Variants in PLEKHM3 observed in about 807,000 individuals in gnomAD.
PLEKHM3 encodes the protein pleckstrin homology domain containing M3.
Under a neutral mutation model 81.8 loss-of-function variants are expected in PLEKHM3, and 45 were observed. The ratio of observed to expected loss-of-function variants is 0.55; its 90% confidence interval spans 0.43 to 0.71. PLEKHM3 has a LOEUF of 0.71. Among genes scored for constraint, PLEKHM3 ranks in the 30% least tolerant of loss-of-function variants. The pLI, the probability that PLEKHM3 is intolerant of heterozygous loss-of-function variation, is 0.00. For missense variants in PLEKHM3, 788 were observed against 924.3 expected, an observed-to-expected ratio of 0.85 and a Z score of 1.91; for synonymous variants, 352 against 356.4, an observed-to-expected ratio of 0.99 and a Z score of 0.14.
intron 3 of PLEKHM3, among the ~76,000 whole-genome samples, chr2:207,968,392 G>C (rs1013435091): frequency 7.9e-5 from 12 of 152,084 alleles, no homozygotes; most frequent in Non-Finnish European, 1.6e-4. Flanking sequence ...GGTTGGGGGT[G>C]GGGGGCCACT....
chr2:208,024,101 C>CCACT (rs1380976947), intron 1 of PLEKHM3, among the ~76,000 whole-genome samples: 1 of 149,728 alleles, frequency 6.7e-6, no homozygotes, highest in African/African-American at 2.5e-5. Flanking sequence ...CATGATCACG[C>CCACT]CACTGTACTC....
chr2:207,824,007 A>G lies in PLEKHM3; in HGVS notation c.*4312T>C. ...CAGAAATCAACACTTGTCTGTTTACATTAACCGAGCAGAGCTTAGTCACCC... is the reference window on the plus strand; with the variant it reads ...CAGAAATCAACACTTGTCTGTTTACGTTAACCGAGCAGAGCTTAGTCACCC... On this transcript the variant is annotated 3_prime_UTR_variant, in exon 8 of 8. Coordinates refer to ENST00000427836, the MANE Select transcript of PLEKHM3 (RefSeq NM_001080475.3). The G allele has an allele frequency of 1.3e-5, 2 of 152,260 alleles. No homozygotes were observed. The highest frequency in any genetic ancestry group is 1.9e-4 in the East Asian group (1 of 5,196). The allele number at this position is 152,260 out of a possible 1,614,324, so 9.4% of individuals were successfully genotyped here.
chr2:207,990,822 C>T (rs1691876696), intron 2 of PLEKHM3, among the ~76,000 whole-genome samples: 1 of 152,160 alleles, frequency 6.6e-6, no homozygotes, highest in Non-Finnish European at 1.5e-5. Context: ...ACTTTGGAGA[C>T]TTTCTTTTTG....
At chr2:207,849,929 T>A (rs1197780537) in intron 7 of PLEKHM3, among the ~76,000 whole-genome samples, 2 of 152,216 alleles carry the variant, frequency 1.3e-5, no homozygotes, top group Admixed American at 6.5e-5. Flanking sequence ...AACATTTTTT[T>A]AAAAGTTTAT....
At chr2:207,940,942 GATATTC>G (rs942531436) in intron 4 of PLEKHM3, among the ~76,000 whole-genome samples, 16 of 152,164 alleles carry the variant, frequency 1.1e-4, no homozygotes, top group African/African-American at 3.4e-4. Context: ...TAGATTTGTA[GATATTC>G]ATATTCATAT....
intron 3 of PLEKHM3, among the ~76,000 whole-genome samples, chr2:207,975,582 CTTTTTTTTTTT>C (rs11350409): frequency 9.5e-5 from 6 of 63,008 alleles, no homozygotes; most frequent in African/African-American, 3.3e-4. Flanking sequence ...GTTTTAAAAG[CTTTTTTTTTTT>C]TTTTTTTTTT....
At chr2:207,856,772 A>G (rs906001026) in intron 7 of PLEKHM3, among the ~76,000 whole-genome samples, 2 of 152,226 alleles carry the variant, frequency 1.3e-5, no homozygotes, top group East Asian at 3.9e-4. Context: ...ATAAACATCC[A>G]TATGCGTGCT....
At chr2:207,915,249 T>C (rs1389081681) in intron 5 of PLEKHM3, among the ~76,000 whole-genome samples, 1 of 152,208 alleles carries the variant, frequency 6.6e-6, no homozygotes, top group Non-Finnish European at 1.5e-5. Flanking sequence ...AGGTCATATA[T>C]GATTCAGAGC....
intron 6 of PLEKHM3, among the ~76,000 whole-genome samples, chr2:207,866,543 T>C (rs2092502139): frequency 6.6e-6 from 1 of 152,238 alleles, no homozygotes; most frequent in Non-Finnish European, 1.5e-5. Flanking sequence ...ACACTCAATG[T>C]AGAGTGAACT....
chr2:207,888,055 A>G (rs991954293), intron 6 of PLEKHM3, among the ~76,000 whole-genome samples: 4 of 151,670 alleles, frequency 2.6e-5, no homozygotes, highest in African/African-American at 9.7e-5. Context: ...CATCTCTGCA[A>G]CAGGCTTCTC....
chr2:207,863,594 C>T (rs1201921166), intron 6 of PLEKHM3, among the ~76,000 whole-genome samples: 3 of 152,206 alleles, frequency 2.0e-5, no homozygotes, highest in East Asian at 1.9e-4. Flanking sequence ...GGTTGCCACC[C>T]GGCGTGCTGG....
intron 6 of PLEKHM3, among the ~76,000 whole-genome samples, chr2:207,887,208 T>TAG (rs1376170543): frequency 6.6e-6 from 1 of 152,220 alleles, no homozygotes; most frequent in African/African-American, 2.4e-5. Flanking sequence ...AACATATGGC[T>TAG]AGAGAATAAG....
intron 6 of PLEKHM3, among the ~76,000 whole-genome samples, chr2:207,898,548 G>A (rs375058569): frequency 6.6e-6 from 1 of 152,158 alleles, no homozygotes; most frequent in East Asian, 1.9e-4. Context: ...GACCCCAGGA[G>A]TTCGAGATCA....
chr2:207,944,975 G>T (rs1690073763), intron 4 of PLEKHM3, among the ~76,000 whole-genome samples: 1 of 152,154 alleles, frequency 6.6e-6, no homozygotes, highest in Admixed American at 6.5e-5. Context: ...CTTCTCAAAA[G>T]AGTTGTCTAT....
chr2:207,835,336 C>T (rs1290570172), intron 7 of PLEKHM3, among the ~76,000 whole-genome samples: 3 of 152,104 alleles, frequency 2.0e-5, no homozygotes, highest in South Asian at 2.1e-4. Context: ...TGAGGAGCCC[C>T]GAGTCCTTGG....
At chr2:207,930,038 G>T in intron 5 of PLEKHM3, 1 of 558,376 alleles carries the variant, frequency 1.8e-6, no homozygotes, top group South Asian at 2.5e-5. Context: ...CCAAGGGTGA[G>T]ACTTTAAATG....
At chr2:207,927,784 C>T (rs1200106126) in intron 5 of PLEKHM3, among the ~76,000 whole-genome samples, 3 of 152,088 alleles carry the variant, frequency 2.0e-5, no homozygotes, top group South Asian at 2.1e-4. Context: ...GAGCCAAGAT[C>T]GTGCCACTGC....
At position 207,956,281 on chromosome 2, in the gene PLEKHM3, A is replaced by G. The variant is rs1267036960; in HGVS notation, c.1547-9769T>C. The stretch of plus-strand genomic sequence containing the variant: ...GGAGTTTGAGACCAGCCTGGCCAAC[A>G]TGGTGAAACCCCATCTATACTACAA... On this transcript the variant is annotated intron_variant, in intron 3 of 7. Transcript: ENST00000427836. Among the ~76,000 whole-genome samples, 5 of 152,234 alleles carry G rather than the reference A, an allele frequency of 3.3e-5. No individual in the cohort carries two copies. In the East Asian group the frequency reaches 9.7e-4, roughly 29 times the overall value.
intron 3 of PLEKHM3, among the ~76,000 whole-genome samples, chr2:207,949,169 G>C (rs549185919): frequency 6.6e-6 from 1 of 152,320 alleles, no homozygotes; most frequent in East Asian, 1.9e-4. Flanking sequence ...CTGATCACCT[G>C]CTTCTGAAAA....
Sources: gnomAD v4.1 joint callset for allele counts (sites outside exome capture counted in the v4.1 genomes callset) on GRCh38, gnomAD v4.1.1 for gene constraint, MANE v1.5 for transcripts, NCBI Gene and HGNC (gene_info 2026-07-23, HGNC 2026-07-21) for gene names.